Variants in TLCD4 observed in about 807,000 individuals in gnomAD.
The protein encoded by TLCD4 is TLC domain-containing protein 4.
A neutral mutation model predicts 24.2 loss-of-function variants in TLCD4; 7 were observed. That is an observed-to-expected ratio of 0.29 (90% CI 0.16 to 0.54). The LOEUF is 0.54. Among genes scored for constraint, TLCD4 ranks in the 20% least tolerant of loss-of-function variants. TLCD4 has a pLI of 0.95. For missense variants in TLCD4, 259 were observed against 313.9 expected (o/e 0.82, Z 1.32); for synonymous variants, 103 against 106.4 (o/e 0.97, Z 0.20).
At chr1:95,159,234 T>C (rs1222172403) in intron 5 of TLCD4, among the ~76,000 whole-genome samples, 6 of 152,246 alleles carry the variant, frequency 3.9e-5, no homozygotes, top group Admixed American at 3.9e-4. Context: ...ATTGTAGTTT[T>C]GATTTGCATT....
At chr1:95,113,191 C>T (rs1026307526), upstream of TLCD4, among the ~76,000 whole-genome samples, 2 of 151,302 alleles carry the variant, frequency 1.3e-5, no homozygotes, top group Non-Finnish European at 2.9e-5. Flanking sequence ...TACAGGCGTG[C>T]GCCACTAAGC....
intron 6 of TLCD4, 166 bp downstream of exon 6, chr1:95,174,055 G>C (rs1414282915): frequency 3.8e-6 from 4 of 1,054,746 alleles, no homozygotes; most frequent in African/African-American, 1.6e-5. Flanking sequence ...GGAAAGGTTA[G>C]AGTAACTTAC....
At chr1:95,184,666 G>A (rs1678769358) in intron 6 of TLCD4, among the ~76,000 whole-genome samples, 1 of 152,122 alleles carries the variant, frequency 6.6e-6, no homozygotes, top group Non-Finnish European at 1.5e-5. Context: ...AGTAAATGGT[G>A]GGTAAAAGAA....
rs747223627 is a variant in TLCD4, at chr1:95,191,762, T to C, written c.686T>C (p.Met229Thr). 5 of 1,614,094 alleles carry C rather than the reference T, an allele frequency of 3.1e-6. No individual in the cohort carries two copies. The South Asian group carries it at 4.4e-5, about 14-fold the overall frequency. Residue 229 changes from methionine to threonine, a missense_variant, in exon 7 of 7, where the codon ATG (methionine) becomes ACG (threonine). Physicochemically the swap from Met to Thr is moderately conservative, Grantham distance 81. Coordinates refer to ENST00000370203, the MANE Select transcript of TLCD4 (RefSeq NM_152487.3). ...WVISCVVLDV[M>T]NVMWMIKISK... ...ATTAGTTGTGTTGTTTTGGATGTGA[T>C]GAATGTCATGTGGATGATCAAAATT...
rs1243771176 is a variant in TLCD4 at position 95,195,157 on chromosome 1, G to T, written c.*3289G>T. The T allele has an allele frequency of 6.6e-6, 1 of 152,072 alleles. No homozygotes were observed. Among genetic ancestry groups the T allele is most frequent in the Non-Finnish European group, 1.5e-5 (1 of 68,004 alleles). 9.4% of individuals were successfully genotyped at this position (152,072 alleles called of 1,614,324 possible). A position where few individuals can be genotyped will look rare whatever the true frequency, so the allele number is the denominator to read the frequency against. Reference sequence around the variant, plus strand: ...TTTGACTCAAAATTTTTGCTACAGGGTCAACTTTTAAATTGTATATTTCCT... The same window carrying T: ...TTTGACTCAAAATTTTTGCTACAGGTTCAACTTTTAAATTGTATATTTCCT... On this transcript the variant is annotated 3_prime_UTR_variant, in exon 7 of 7. Transcript: ENST00000370203.
intron 6 of TLCD4, among the ~76,000 whole-genome samples, chr1:95,181,573 T>G (rs1010056802): frequency 4.1e-5 from 6 of 147,614 alleles, no homozygotes; most frequent in Non-Finnish European, 7.5e-5. Context: ...TGTTTTAAAT[T>G]TGTTTAATTA....
At position 95,148,105 on chromosome 1, in the gene TLCD4, A is replaced by G. The variant is rs529454174; in HGVS notation, c.156-597A>G. ...AAATGTTTTCATAATAATGATAAAG[A>G]GGGACTAATAATAGCTACCCTTGTT... On this transcript the variant is annotated intron_variant, in intron 2 of 6. Transcript: ENST00000370203. 4.7e-4 allele frequency among the ~76,000 whole-genome samples: 72 copies of G among 152,324 alleles called. No homozygotes were observed. The Middle Eastern group carries it at 0.01, about 22-fold the overall frequency.
intron 5 of TLCD4, among the ~76,000 whole-genome samples, chr1:95,173,311 ATTC>A (rs1352184157): frequency 1.4e-5 from 2 of 140,700 alleles, no homozygotes; most frequent in African/African-American, 5.6e-5. Flanking sequence ...CTTTGTGATC[ATTC>A]TTTTTTTTTT....
chr1:95,102,012 A>G, the TLCD4 span, among the ~76,000 whole-genome samples: 2 of 152,252 alleles, frequency 1.3e-5, no homozygotes, highest in Non-Finnish European at 2.9e-5. Flanking sequence ...TTTAGTTAAT[A>G]GGCAATAAAG....
At chr1:95,118,677 C>T (rs1396817919) in intron 1 of TLCD4, among the ~76,000 whole-genome samples, 2 of 152,034 alleles carry the variant, frequency 1.3e-5, no homozygotes, top group African/African-American at 4.8e-5. Context: ...CGCATGGTGT[C>T]GATTGAAATG....
Position 95,155,147 on chromosome 1 carries a change from T to TC in TLCD4, c.399+3735dup, listed in dbSNP as rs1027786685. The stretch of plus-strand genomic sequence containing the variant: ...GTAGGTGCATAATTTAGTTCTCTTT[T>TC]CCCCCCCACCTTATAAACCTCTGGT... On this transcript the variant is annotated intron_variant, in intron 5 of 6. Transcript: ENST00000370203. Among the ~76,000 whole-genome samples the TC allele has an allele frequency of 3.6e-4, 54 of 151,710 alleles. No homozygotes were observed. In the East Asian group the frequency reaches 7.4e-3, roughly 21 times the overall value.
At chr1:95,105,461 C>T in the TLCD4 span, among the ~76,000 whole-genome samples, 1 of 152,322 alleles carries the variant, frequency 6.6e-6, no homozygotes, top group South Asian at 2.1e-4. Flanking sequence ...ATCTTGCCTC[C>T]TCCATGGGTG....
chr1:95,151,838 A>G (rs1677502561), intron 5 of TLCD4, among the ~76,000 whole-genome samples: 1 of 152,164 alleles, frequency 6.6e-6, no homozygotes. Flanking sequence ...AGGTTGGAGC[A>G]GTGGAGAAAT....
At chr1:95,178,155 C>T (rs1571777261) in intron 6 of TLCD4, among the ~76,000 whole-genome samples, 1 of 152,050 alleles carries the variant, frequency 6.6e-6, no homozygotes, top group African/African-American at 2.4e-5. Flanking sequence ...CAGTGTTGCC[C>T]AGGCTGGTCT....
At chr1:95,143,487 T>C (rs1677261408) in intron 1 of TLCD4, among the ~76,000 whole-genome samples, 2 of 152,330 alleles carry the variant, frequency 1.3e-5, no homozygotes, top group Admixed American at 6.5e-5. Context: ...TTAGAAATTA[T>C]GTAACCAACT....
intron 5 of TLCD4, among the ~76,000 whole-genome samples, chr1:95,161,806 G>C (rs1341005509): frequency 6.6e-6 from 1 of 152,220 alleles, no homozygotes; most frequent in Non-Finnish European, 1.5e-5. Context: ...ATGTAGTTGA[G>C]TGGTTTTGAG....
chr1:95,178,482 C>G (rs1008697203), intron 6 of TLCD4, among the ~76,000 whole-genome samples: 2 of 149,112 alleles, frequency 1.3e-5, no homozygotes, highest in East Asian at 4.1e-4. Context: ...AGGCTGGTCT[C>G]GAACTCCTGA....
At chr1:95,127,738 T>A (rs576491400) in intron 1 of TLCD4, among the ~76,000 whole-genome samples, 3 of 152,334 alleles carry the variant, frequency 2.0e-5, no homozygotes, top group East Asian at 3.9e-4. Context: ...AGCATAGACT[T>A]CTTCCAAGGC....
chr1:95,151,539 C>A, intron 5 of TLCD4, 120 bp downstream of exon 5: 1 of 1,158,256 alleles, frequency 8.6e-7, no homozygotes, highest in South Asian at 1.6e-5. Flanking sequence ...CAGATGCATT[C>A]AGGGATTGCT....
Sources: gnomAD v4.1 joint callset for allele counts (sites outside exome capture counted in the v4.1 genomes callset) on GRCh38, gnomAD v4.1.1 for gene constraint, MANE v1.5 for transcripts, NCBI Gene and HGNC (gene_info 2026-07-23, HGNC 2026-07-21) for gene names.